Variants in SGCD observed in about 807,000 individuals in gnomAD.
SGCD encodes sarcoglycan delta, also known as delta-sarcoglycan.
Under a neutral mutation model 36.6 loss-of-function variants are expected in SGCD, and 18 were observed. That is an observed-to-expected ratio of 0.49 (90% CI 0.34 to 0.73). The LOEUF is 0.73. SGCD is among the 30% of genes least tolerant of loss of function. The pLI is 0.01. For synonymous variants in SGCD, 133 were observed against 130.6 expected, an observed-to-expected ratio of 1.02 and a Z score of -0.12; for missense variants, 387 against 346.7, an observed-to-expected ratio of 1.12 and a Z score of -0.92.
At chr5:156,694,256 C>T (rs1202185780) in intron 7 of SGCD, among the ~76,000 whole-genome samples, 1 of 152,192 alleles carries the variant, frequency 6.6e-6, no homozygotes, top group Admixed American at 6.5e-5. Flanking sequence ...GAAGTGCTGA[C>T]TCCTGGATCT....
intron 3 of SGCD, among the ~76,000 whole-genome samples, chr5:156,221,121 T>C (rs370191621): frequency 1.8e-4 from 27 of 152,260 alleles, no homozygotes; most frequent in Middle Eastern, 6.8e-3. Flanking sequence ...AATAGGTACA[T>C]TCACATTGCT....
At chr5:156,155,313 TTA>T (rs771486195) in intron 3 of SGCD, among the ~76,000 whole-genome samples, 1 of 151,512 alleles carries the variant, frequency 6.6e-6, no homozygotes, top group African/African-American at 2.4e-5. Context: ...AGCTTAGAGA[TTA>T]TGTTTCTTCT....
intron 1 of SGCD, among the ~76,000 whole-genome samples, chr5:155,906,177 T>C (rs1392354329): frequency 6.6e-6 from 1 of 152,134 alleles, no homozygotes; most frequent in Non-Finnish European, 1.5e-5. Flanking sequence ...CCATAAATCA[T>C]GCCTGTGTAA....
the SGCD span, among the ~76,000 whole-genome samples, chr5:155,793,590 G>C: frequency 1.3e-5 from 2 of 150,684 alleles, no homozygotes; most frequent in African/African-American, 4.9e-5. Context: ...TGACCAGGCT[G>C]GAGTGCAGTG....
At chr5:156,302,142 T>C (rs1038760698) in intron 3 of SGCD, among the ~76,000 whole-genome samples, 1 of 152,156 alleles carries the variant, frequency 6.6e-6, no homozygotes, top group African/African-American at 2.4e-5. Context: ...CAATAACTCT[T>C]AGTTTTGCCC....
intron 3 of SGCD, among the ~76,000 whole-genome samples, chr5:156,180,672 A>C (rs771025306): frequency 1.3e-5 from 2 of 152,224 alleles, no homozygotes; most frequent in South Asian, 4.1e-4. Flanking sequence ...CATTTATTTT[A>C]ACATGTTTAT....
chr5:156,631,476 T>TTA (rs895559207), intron 6 of SGCD, among the ~76,000 whole-genome samples: 68 of 147,790 alleles, frequency 4.6e-4, no homozygotes, highest in Middle Eastern at 7.0e-3. Context: ...TTTTTTTTTT[T>TTA]AAAAAAAAGA....
chr5:155,737,539 G>A, the SGCD span, among the ~76,000 whole-genome samples: 1 of 152,172 alleles, frequency 6.6e-6, no homozygotes, highest in Admixed American at 6.5e-5. Flanking sequence ...TGACACTCAT[G>A]GGTTGGAAAG....
At chr5:156,458,628 AC>A (rs1374003106) in intron 3 of SGCD, 2 of 648,002 alleles carry the variant, frequency 3.1e-6, no homozygotes, top group African/African-American at 3.6e-5. Flanking sequence ...TGAAAAAAAT[AC>A]AATATTCATG....
chr5:156,131,997 C>A (rs1762334775), intron 3 of SGCD, among the ~76,000 whole-genome samples: 1 of 152,116 alleles, frequency 6.6e-6, no homozygotes, highest in African/African-American at 2.4e-5. Flanking sequence ...AGAAAAATTG[C>A]AAATATGTGC....
At chr5:156,435,318 G>A (rs907510377) in intron 3 of SGCD, among the ~76,000 whole-genome samples, 1 of 152,136 alleles carries the variant, frequency 6.6e-6, no homozygotes, top group Non-Finnish European at 1.5e-5. Context: ...CGTGCAACTT[G>A]TGAATTAAAC....
the SGCD span, among the ~76,000 whole-genome samples, chr5:155,830,213 G>A: frequency 6.6e-6 from 1 of 152,192 alleles, no homozygotes; most frequent in Non-Finnish European, 1.5e-5. Context: ...TTACTGTGTT[G>A]GAGTCTGGGA....
intron 3 of SGCD, among the ~76,000 whole-genome samples, chr5:156,149,029 C>A (rs1445349043): frequency 3.3e-5 from 5 of 152,110 alleles, no homozygotes. Flanking sequence ...ACTCAGGCAC[C>A]AGTTTCTCCA....
intron 7 of SGCD, among the ~76,000 whole-genome samples, chr5:156,690,390 G>A (rs370097995): frequency 6.5e-4 from 99 of 152,270 alleles, no homozygotes; most frequent in African/African-American, 2.3e-3. Context: ...TCTTGAAACT[G>A]GAAGTTTTTC....
chr5:156,333,949 G>T (rs1437242332), intron 2 of SGCD, among the ~76,000 whole-genome samples: 1 of 151,672 alleles, frequency 6.6e-6, no homozygotes, highest in Admixed American at 6.6e-5. Context: ...TTTCAGTTTA[G>T]CTGACTTTGG....
chr5:156,736,452 T>C lies in SGCD; in HGVS notation c.576-21129T>C, dbSNP rs149390925. Among the ~76,000 whole-genome samples, 1,438 of 151,480 alleles carry C rather than the reference T, an allele frequency of 9.5e-3. 8 individuals are homozygous for C. Among genetic ancestry groups the C allele is most frequent in the African/African-American group, 0.012 (484 of 40,760 alleles). ...TATTGTATATGGTACAACACCAAATTTGTATAACTTTTGAAGCTGAACAGA... is the reference window on the plus strand; with the variant it reads ...TATTGTATATGGTACAACACCAAATCTGTATAACTTTTGAAGCTGAACAGA... On this transcript the variant is annotated intron_variant, in intron 7 of 8. Coordinates refer to ENST00000337851, the MANE Select transcript of SGCD (RefSeq NM_000337.6).
In SGCD at chr5:156,141,328, G is replaced by A. The variant is rs10042840; in HGVS notation, c.-44+17309G>A. On this transcript the variant is annotated intron_variant, in intron 3 of 9. Transcript: ENST00000517913. ...AGGAAAATGTCTAGTAGAGCCATGG[G>A]AGCAAGGTCACCCCAAGACCCCAGA... Among the ~76,000 whole-genome samples the A allele has an allele frequency of 8.7e-3, 1,324 of 152,186 alleles. 16 individuals carry two copies. Among genetic ancestry groups the A allele is most frequent in the African/African-American group, 0.029 (1,210 of 41,530 alleles).
At chr5:155,993,337 C>CTTTT (rs34221751) in intron 1 of SGCD, among the ~76,000 whole-genome samples, 19 of 114,516 alleles carry the variant, frequency 1.7e-4, no homozygotes, top group African/African-American at 5.1e-4. Context: ...ATCTGGGGTC[C>CTTTT]TTTTTTTTTT....
chr5:156,175,327 A>G (rs187108834), intron 3 of SGCD, among the ~76,000 whole-genome samples: 6 of 152,312 alleles, frequency 3.9e-5, no homozygotes, highest in South Asian at 4.1e-4. Flanking sequence ...GTAGTAAAAT[A>G]AATAGTAAAA....
Sources: allele counts gnomAD v4.1 joint callset (sites outside exome capture counted in the v4.1 genomes callset), GRCh38; gene constraint gnomAD v4.1.1; transcripts MANE v1.5; gene names NCBI Gene and HGNC (gene_info 2026-07-23, HGNC 2026-07-21).